Variants in ATXN7 observed in about 807,000 individuals in gnomAD.
ATXN7 encodes ataxin-7.
In ATXN7, 12 loss-of-function variants were observed where a neutral mutation model predicts 70.5. That is an observed-to-expected ratio of 0.17 (90% CI 0.11 to 0.28). The LOEUF (loss-of-function observed/expected upper bound fraction) is 0.28. ATXN7 is among the 10% of genes least tolerant of loss of function. The pLI, the probability that ATXN7 is intolerant of heterozygous loss-of-function variation, is 1.00. For missense variants in ATXN7, 1,256 were observed against 1,131.7 expected (o/e 1.11, Z -1.58); for synonymous variants, 498 against 448.7 (o/e 1.11, Z -1.39).
At chr3:63,888,163 A>G (rs149003055) in intron 1 of ATXN7, among the ~76,000 whole-genome samples, 2 of 152,296 alleles carry the variant, frequency 1.3e-5, no homozygotes, top group African/African-American at 4.8e-5. Context: ...AGAGATTTTT[A>G]CAGAGGCTTG....
At position 63,976,093 on chromosome 3, in the gene ATXN7, T is replaced by C. The variant is rs141415940; in HGVS notation, c.500-3822T>C. On this transcript the variant is annotated intron_variant, in intron 5 of 12. Coordinates refer to ENST00000674280, the MANE Select transcript of ATXN7 (RefSeq NM_001377405.1). ...GACCACATTGCAGTTGTGCTCAGCA[T>C]CTGGCCACCACTTTGTCCACTTAAT... is the stretch of plus-strand genomic sequence containing the variant. 3.2e-3 allele frequency among the ~76,000 whole-genome samples: 494 copies of C among 152,308 alleles called. 3 individuals are homozygous for C. The highest frequency in any genetic ancestry group is 0.011 in the African/African-American group (475 of 41,572).
At chr3:63,935,322 C>T (rs928328188) in intron 4 of ATXN7, among the ~76,000 whole-genome samples, 4 of 152,112 alleles carry the variant, frequency 2.6e-5, no homozygotes, top group African/African-American at 9.7e-5. Flanking sequence ...ACAGTGGCAC[C>T]TATGAAGTTC....
chr3:63,917,663 T>C lies in ATXN7; in HGVS notation c.394+4438T>C, dbSNP rs540949011. Reference sequence around the variant, plus strand: ...CGTGTCAGCATTTGAAACTCTGCATTATGTGATGGCTCCTTGTTAAGAGAG... The same window carrying C: ...CGTGTCAGCATTTGAAACTCTGCATCATGTGATGGCTCCTTGTTAAGAGAG... On this transcript the variant is annotated intron_variant, in intron 4 of 12. Coordinates refer to ENST00000674280, the MANE Select transcript of ATXN7 (RefSeq NM_001377405.1). Among the ~76,000 whole-genome samples the C allele has an allele frequency of 2.0e-5, 3 of 152,344 alleles. No individual in the cohort carries two copies. In the East Asian group the frequency reaches 5.8e-4, roughly 29 times the overall value.
rs535230526 is a variant in ATXN7, at chr3:63,866,688, T to C, written c.-111+2530T>C. ...ATCTATTCATTGAACATTTAAGAAT[T>C]GTCTTTTCATCATATCGTATATCTC... On this transcript the variant is annotated intron_variant, in intron 1 of 12. Transcript: ENST00000674280. 3.3e-5 allele frequency among the ~76,000 whole-genome samples: 5 copies of C among 152,336 alleles called. No individual in the cohort carries two copies. The South Asian group carries it at 1.0e-3, about 32-fold the overall frequency.
intron 12 of ATXN7, chr3:63,998,522 G>A: frequency 7.1e-6 from 7 of 985,222 alleles, no homozygotes; most frequent in Non-Finnish European, 8.4e-6. Flanking sequence ...GAACAACACA[G>A]ACAGCCTAAC....
chr3:63,970,721 C>T (rs1382219058), intron 5 of ATXN7, among the ~76,000 whole-genome samples: 2 of 152,190 alleles, frequency 1.3e-5, no homozygotes, highest in Non-Finnish European at 2.9e-5. Flanking sequence ...ACATTATTTA[C>T]AATCCATTCA....
At chr3:63,865,062 G>T (rs991061824) in intron 1 of ATXN7, 1 of 152,178 alleles carries the variant, frequency 6.6e-6, no homozygotes, top group East Asian at 1.9e-4. Context: ...AGTAGATCTT[G>T]CATCTTCATA....
At chr3:63,910,314 G>A (rs1703967903) in intron 2 of ATXN7, among the ~76,000 whole-genome samples, 1 of 152,178 alleles carries the variant, frequency 6.6e-6, no homozygotes, top group Non-Finnish European at 1.5e-5. Context: ...CTGAAGAGCT[G>A]TACTCAACAA....
chr3:63,974,475 C>T (rs190370035), intron 5 of ATXN7, among the ~76,000 whole-genome samples: 1 of 152,246 alleles, frequency 6.6e-6, no homozygotes, highest in Non-Finnish European at 1.5e-5. Flanking sequence ...AGGCAAGTTG[C>T]CTTGTGCTTT....
At chr3:63,997,769 C>G in intron 12 of ATXN7, 1 of 1,512,628 alleles carries the variant, frequency 6.6e-7, no homozygotes, top group Middle Eastern at 1.7e-4. Flanking sequence ...AGGACTTTTT[C>G]AGAAAATACC....
At chr3:63,879,494 T>G (rs866481021) in intron 1 of ATXN7, among the ~76,000 whole-genome samples, 19 of 151,852 alleles carry the variant, frequency 1.3e-4, no homozygotes, top group African/African-American at 2.9e-4. Flanking sequence ...TCAGTTTTTT[T>G]TTTTTTTTTT....
chr3:63,999,775 C>T lies in ATXN7; in HGVS notation c.*308C>T. ...TTTTTGTTTTTGTTTTGTTTTTTAA[C>T]TTGCAGTATATCACAGAGCCACTCT... On this transcript the variant is annotated 3_prime_UTR_variant, in exon 13 of 13. Coordinates refer to ENST00000674280, the MANE Select transcript of ATXN7 (RefSeq NM_001377405.1). The T allele has an allele frequency of 1.8e-6, 1 of 550,952 alleles. No individual in the cohort carries two copies. Among genetic ancestry groups the T allele is most frequent in the Non-Finnish European group, 3.3e-6 (1 of 307,648 alleles). 34.1% of individuals were successfully genotyped at this position (550,952 alleles called of 1,614,324 possible). A position where few individuals can be genotyped will look rare whatever the true frequency, so the allele number is the denominator to read the frequency against.
intron 1 of ATXN7, among the ~76,000 whole-genome samples, chr3:63,892,464 CCTT>C (rs1289162820): frequency 1.4e-5 from 2 of 145,226 alleles, no homozygotes; most frequent in East Asian, 2.0e-4. Flanking sequence ...TCTTATCGCT[CCTT>C]CACACACACA....
chr3:63,972,954 CAG>C (rs928754826), intron 5 of ATXN7, among the ~76,000 whole-genome samples: 6 of 152,162 alleles, frequency 3.9e-5, no homozygotes, highest in Non-Finnish European at 1.5e-5. Context: ...GCCAAGCTAA[CAG>C]GGGGCCTCTG....
Position 63,915,380 on chromosome 3 carries a change from T to G in ATXN7, c.394+2155T>G, listed in dbSNP as rs193105177. ...TAAATTCAGTCAGTTCTTCATTTGT[T>G]TGTGACTTTGCGGATTATGTGGGGA... On this transcript the variant is annotated intron_variant, in intron 4 of 12. Coordinates refer to ENST00000674280, the MANE Select transcript of ATXN7 (RefSeq NM_001377405.1). Among the ~76,000 whole-genome samples, 253 of 152,338 alleles carry G rather than the reference T, an allele frequency of 1.7e-3. 3 individuals carry two copies. The highest frequency in any genetic ancestry group is 5.9e-3 in the African/African-American group (245 of 41,576).
rs192129436 is a variant in ATXN7, at chr3:63,877,173, T to C, written c.-111+13015T>C. On this transcript the variant is annotated intron_variant, in intron 1 of 12. Transcript: ENST00000674280. Reference sequence around the variant, plus strand: ...TTAAGTTTCAAGAATTACATAAATTTGGGTCTTAAGGAAAAACTGAAATTC... The same window carrying C: ...TTAAGTTTCAAGAATTACATAAATTCGGGTCTTAAGGAAAAACTGAAATTC... Among the ~76,000 whole-genome samples, 109 of 152,314 alleles carry C rather than the reference T, an allele frequency of 7.2e-4. 1 individual carries two copies. In the East Asian group the frequency reaches 0.016, roughly 22 times the overall value.
chr3:63,932,151 T>C (rs193264977), intron 4 of ATXN7, among the ~76,000 whole-genome samples: 15 of 152,346 alleles, frequency 9.8e-5, no homozygotes, highest in Admixed American at 8.5e-4. Flanking sequence ...TTACTTGTAC[T>C]TAAAGCAGGT....
chr3:63,876,687 G>T (rs1328172678), intron 1 of ATXN7, among the ~76,000 whole-genome samples: 1 of 152,176 alleles, frequency 6.6e-6, no homozygotes, highest in East Asian at 1.9e-4. Context: ...GAGTAGGCAG[G>T]TTTCTTGGTG....
chr3:63,925,941 A>T (rs1439880086), intron 4 of ATXN7, among the ~76,000 whole-genome samples: 1 of 152,150 alleles, frequency 6.6e-6, no homozygotes, highest in Non-Finnish European at 1.5e-5. Context: ...TGTTTGAAAG[A>T]TCACTATGGT....
Sources: gnomAD v4.1 joint callset for allele counts (sites outside exome capture counted in the v4.1 genomes callset) on GRCh38, gnomAD v4.1.1 for gene constraint, MANE v1.5 for transcripts, NCBI Gene and HGNC (gene_info 2026-07-23, HGNC 2026-07-21) for gene names.